Variants in RNF150 observed in about 807,000 individuals in gnomAD.
RNF150 encodes the protein ring finger protein 150.
RNF150 carries 24 observed loss-of-function variants against 39.3 expected under a neutral mutation model. The ratio of observed to expected loss-of-function variants is 0.61; its 90% CI spans 0.44 to 0.86. The LOEUF (loss-of-function observed/expected upper bound fraction) is 0.86. Among genes scored for constraint, RNF150 ranks in the 40% least tolerant of loss-of-function variants. RNF150 has a pLI of 0.00. For missense variants in RNF150, 502 were observed against 587.8 expected, an observed-to-expected ratio of 0.85 and a Z score of 1.51; for synonymous variants, 255 against 227.3, an observed-to-expected ratio of 1.12 and a Z score of -1.10.
chr4:140,976,824 G>A (rs932252086), intron 1 of RNF150, among the ~76,000 whole-genome samples: 4 of 152,000 alleles, frequency 2.6e-5, no homozygotes, highest in Non-Finnish European at 5.9e-5. Context: ...ACCTCTTCAT[G>A]TGAACATTGC....
At chr4:141,128,949 C>A (rs1190127232) in intron 1 of RNF150, among the ~76,000 whole-genome samples, 1 of 151,934 alleles carries the variant, frequency 6.6e-6, no homozygotes, top group East Asian at 1.9e-4. Flanking sequence ...CTTGAATGGG[C>A]AAAATAAAAA....
rs1251086089 is a variant in RNF150, at chr4:140,898,729, A to C, written c.1198+12415T>G. 6.6e-5 allele frequency among the ~76,000 whole-genome samples: 10 copies of C among 152,294 alleles called. No individual in the cohort carries two copies. The East Asian group carries it at 1.7e-3, about 26-fold the overall frequency. ...ACAAGGAAGATATGCTTTTTAACCC[A>C]TTGAGTTCATGCTTAAACTTTGATT... is the stretch of plus-strand genomic sequence containing the variant. On this transcript the variant is annotated intron_variant, in intron 6 of 6. Coordinates refer to ENST00000515673, the MANE Select transcript of RNF150 (RefSeq NM_020724.2).
chr4:141,172,209 C>T (rs748648049), intron 1 of RNF150, among the ~76,000 whole-genome samples: 3 of 152,122 alleles, frequency 2.0e-5, no homozygotes, highest in Non-Finnish European at 2.9e-5. Flanking sequence ...CTTCTGGGAC[C>T]GTGAGCTAGC....
chr4:141,212,064 A>C (rs781114256), intron 1 of RNF150, among the ~76,000 whole-genome samples: 5 of 152,230 alleles, frequency 3.3e-5, no homozygotes, highest in Non-Finnish European at 7.3e-5. Context: ...CAGTGCTTCC[A>C]GAGTTCCAGG....
At chr4:141,025,540 T>A (rs1360594902) in intron 1 of RNF150, among the ~76,000 whole-genome samples, 1 of 150,880 alleles carries the variant, frequency 6.6e-6, no homozygotes, top group Non-Finnish European at 1.5e-5. Flanking sequence ...TGAAAAAAAA[T>A]GAAAAATGAG....
intron 1 of RNF150, among the ~76,000 whole-genome samples, chr4:141,023,576 T>G (rs1382122263): frequency 6.6e-6 from 1 of 152,030 alleles, no homozygotes; most frequent in East Asian, 1.9e-4. Flanking sequence ...TTATATCTTA[T>G]TTTACCTAAT....
chr4:141,169,991 A>G (rs1043350384), intron 1 of RNF150, among the ~76,000 whole-genome samples: 2 of 152,174 alleles, frequency 1.3e-5, no homozygotes, highest in African/African-American at 4.8e-5. Context: ...TCGGAAAAGC[A>G]TTTTAGAAAT....
chr4:140,882,991 G>T (rs1729432346), intron 6 of RNF150, among the ~76,000 whole-genome samples: 1 of 151,428 alleles, frequency 6.6e-6, no homozygotes. Flanking sequence ...CTGCCTTCTT[G>T]TTAGTTTTGT....
intron 1 of RNF150, among the ~76,000 whole-genome samples, chr4:141,073,190 G>A (rs1159177007): frequency 6.6e-6 from 1 of 152,078 alleles, no homozygotes; most frequent in Non-Finnish European, 1.5e-5. Flanking sequence ...CTTGGATGAA[G>A]GGGAAAGGAC....
intron 5 of RNF150, among the ~76,000 whole-genome samples, chr4:140,922,137 G>A (rs1356536054): frequency 6.6e-6 from 1 of 151,660 alleles, no homozygotes; most frequent in African/African-American, 2.4e-5. Context: ...GGCAGGAGAA[G>A]GAAATAAAGG....
At chr4:141,070,677 A>G (rs1404909148) in intron 1 of RNF150, among the ~76,000 whole-genome samples, 6 of 138,912 alleles carry the variant, frequency 4.3e-5, no homozygotes, top group African/African-American at 7.5e-5. Flanking sequence ...CAAAACCACA[A>G]TGAGATACCA....
At chr4:141,102,217 T>C (rs1739037442) in intron 1 of RNF150, among the ~76,000 whole-genome samples, 1 of 152,194 alleles carries the variant, frequency 6.6e-6, no homozygotes, top group Non-Finnish European at 1.5e-5. Flanking sequence ...TAAAACCACA[T>C]TTTAGTCTTT....
intron 2 of RNF150, among the ~76,000 whole-genome samples, chr4:140,960,833 G>A (rs987803682): frequency 2.6e-5 from 4 of 152,094 alleles, no homozygotes; most frequent in African/African-American, 9.7e-5. Flanking sequence ...GGTGTGGGGG[G>A]AAGGTGGGGA....
At chr4:140,987,926 C>T (rs1196743596) in intron 1 of RNF150, among the ~76,000 whole-genome samples, 1 of 151,952 alleles carries the variant, frequency 6.6e-6, no homozygotes, top group East Asian at 1.9e-4. Context: ...AAAAACAATC[C>T]TATTAAAAAT....
intron 6 of RNF150, among the ~76,000 whole-genome samples, chr4:140,904,320 T>C (rs943224572): frequency 3.9e-5 from 6 of 152,348 alleles, no homozygotes; most frequent in Middle Eastern, 3.4e-3. Context: ...AAGATGACAG[T>C]GGGGCCTAAA....
At chr4:141,151,695 A>T (rs548778188) in intron 1 of RNF150, among the ~76,000 whole-genome samples, 35 of 152,286 alleles carry the variant, frequency 2.3e-4, no homozygotes, top group East Asian at 7.7e-4. Flanking sequence ...GGAGATTTTT[A>T]AAAAAATATT....
At chr4:141,000,312 T>C (rs1734620087) in intron 1 of RNF150, among the ~76,000 whole-genome samples, 1 of 152,140 alleles carries the variant, frequency 6.6e-6, no homozygotes, top group South Asian at 2.1e-4. Flanking sequence ...AAAAACAAGA[T>C]GGTAATGTAT....
chr4:140,996,381 T>C (rs1205402640), intron 1 of RNF150, among the ~76,000 whole-genome samples: 1 of 152,178 alleles, frequency 6.6e-6, no homozygotes, highest in Non-Finnish European at 1.5e-5. Flanking sequence ...TATTAATCCC[T>C]TCTACAAGTC....
chr4:140,872,778 A>G (rs1444571002), intron 6 of RNF150, among the ~76,000 whole-genome samples: 2 of 152,232 alleles, frequency 1.3e-5, no homozygotes, highest in Non-Finnish European at 2.9e-5. Context: ...TTAGAACTAC[A>G]TCAAGAGTTC....
Sources: allele counts gnomAD v4.1 joint callset (sites outside exome capture counted in the v4.1 genomes callset), GRCh38; gene constraint gnomAD v4.1.1; transcripts MANE v1.5; gene names NCBI Gene and HGNC (gene_info 2026-07-23, HGNC 2026-07-21).